The following HSF1 variants were observed in gnomAD, a reference collection of about 807,000 sequenced individuals.
HSF1 encodes heat shock transcription factor 1.
HSF1 carries 32 observed loss-of-function variants against 51.7 expected under a neutral mutation model. The ratio of observed to expected loss-of-function variants is 0.62; its 90% CI spans 0.47 to 0.83. The LOEUF (loss-of-function observed/expected upper bound fraction) is 0.83, where lower values mean the gene tolerates loss of function less well. Among genes scored for constraint, HSF1 ranks in the 40% least tolerant of loss-of-function variants. HSF1 has a pLI of 0.00. For missense variants in HSF1, 727 were observed against 717.0 expected (o/e 1.01, Z -0.16); for synonymous variants, 396 against 309.7 (o/e 1.28, Z -2.92).
intron 1 of HSF1, among the ~76,000 whole-genome samples, chr8:144,302,235 G>C (rs1273012031): frequency 1.3e-5 from 2 of 151,766 alleles, no homozygotes; most frequent in Non-Finnish European, 2.9e-5. Flanking sequence ...CAGGCCGGGC[G>C]CCGTGGCTCA....
intron 1 of HSF1, among the ~76,000 whole-genome samples, chr8:144,300,212 C>CTTTTTTTT (rs1176636210): frequency 4.6e-5 from 4 of 87,744 alleles, no homozygotes; most frequent in Admixed American, 1.6e-4. Flanking sequence ...GTTGTGTACT[C>CTTTTTTTT]TTTTTTTTTT....
At chr8:144,304,407 A>T (rs1816082342) in intron 1 of HSF1, among the ~76,000 whole-genome samples, 1 of 152,230 alleles carries the variant, frequency 6.6e-6, no homozygotes, top group Admixed American at 6.5e-5. Flanking sequence ...CCAGAAGTGG[A>T]AATCTCTCCA....
rs576815889 is a variant in HSF1 at position 144,313,403 on chromosome 8, G to A, written c.1143-108G>A. The A allele has an allele frequency of 2.9e-5, 21 of 725,390 alleles. No homozygotes were observed. The African/African-American group carries it at 3.4e-4, about 12-fold the overall frequency. 44.9% of individuals were successfully genotyped at this position (725,390 alleles called of 1,614,324 possible). A position where few individuals can be genotyped will look rare whatever the true frequency, so the allele number is the denominator to read the frequency against. ...CCCTCCAGCCTGTGCAGGCGTACACGGGGGTGCAGCCTGGGGGGTACAGTC... is the reference window on the plus strand; with the variant it reads ...CCCTCCAGCCTGTGCAGGCGTACACAGGGGTGCAGCCTGGGGGGTACAGTC... On this transcript the variant is annotated intron_variant, in intron 9 of 12. Coordinates refer to ENST00000528838, the MANE Select transcript of HSF1 (RefSeq NM_005526.4).
chr8:144,309,150 TG>T, intron 2 of HSF1, 136 bp downstream of exon 2: 2 of 754,266 alleles, frequency 2.7e-6, no homozygotes, highest in Non-Finnish European at 2.2e-6. Context: ...CCTGCAAGCC[TG>T]GGGGCCGGGG....
At chr8:144,311,669 C>G in intron 7 of HSF1, 31 bp from the exon 8 acceptor site, 1 of 1,610,604 alleles carries the variant, frequency 6.2e-7, no homozygotes, top group South Asian at 1.1e-5. Context: ...CCCCTGCCGG[C>G]ACTGCATGGA....
Position 144,314,120 on chromosome 8 carries a change from C to CG in HSF1, c.1385-4dup. ...CCCACCGCCTTGACACCCCCACCCC[C>CG]GCAGGGAAGCAGCTGGTGCACTACA... is the stretch of plus-strand genomic sequence containing the variant. On this transcript the variant is annotated splice_polypyrimidine_tract_variant and splice_region_variant and intron_variant, in intron 12 of 12. Coordinates refer to ENST00000528838, the MANE Select transcript of HSF1 (RefSeq NM_005526.4). 1 of 1,544,526 alleles carries CG rather than the reference C, an allele frequency of 6.5e-7. No individual in the cohort carries two copies. Among genetic ancestry groups the CG allele is most frequent in the Non-Finnish European group, 8.7e-7 (1 of 1,144,218 alleles).
chr8:144,305,802 G>A (rs1431037438), intron 1 of HSF1, among the ~76,000 whole-genome samples: 2 of 133,310 alleles, frequency 1.5e-5, no homozygotes, highest in African/African-American at 2.9e-5. Context: ...GCGCGATCTC[G>A]GCTCACTGCA....
rs368025244 is a variant in HSF1, at chr8:144,312,197, G to A, written c.1095G>A (p.Pro365=). ...TDTEGRPPSP[P]PTSTPEKCLS... is the part of the protein sequence containing the mutation. ...CCGAGGGCCGGCCTCCCTCCCCCCC[G>A]CCCACCTCCACCCCTGAAAAGTGCC... Residue 365 remains proline, a synonymous_variant, in exon 9 of 13, where the codon CCG becomes CCA. Coordinates refer to ENST00000528838, the MANE Select transcript of HSF1 (RefSeq NM_005526.4). The A allele has an allele frequency of 1.7e-4, 93 of 547,888 alleles. No homozygotes were observed. The highest frequency in any genetic ancestry group is 3.9e-4 in the Middle Eastern group (1 of 2,562). The allele number at this position is 547,888 out of a possible 1,614,324, so 33.9% of individuals were successfully genotyped here.
At chr8:144,308,800 G>A (rs1048693394) in intron 1 of HSF1, 106 bp from the exon 2 acceptor site, 1 of 903,964 alleles carries the variant, frequency 1.1e-6, no homozygotes, top group Non-Finnish European at 1.8e-6. Context: ...CCATCAGGTG[G>A]AACGTGCACT....
intron 1 of HSF1, among the ~76,000 whole-genome samples, chr8:144,301,959 T>C (rs1815917183): frequency 6.7e-6 from 1 of 149,352 alleles, no homozygotes; most frequent in Non-Finnish European, 1.5e-5. Context: ...TGCTCCCAGA[T>C]GGGGCAACAT....
chr8:144,305,458 C>A (rs1554843130), intron 1 of HSF1, among the ~76,000 whole-genome samples: 1 of 151,888 alleles, frequency 6.6e-6, no homozygotes, highest in Non-Finnish European at 1.5e-5. Context: ...TGCCACCATG[C>A]CCAACTAATT....
intron 1 of HSF1, among the ~76,000 whole-genome samples, chr8:144,300,366 G>A (rs1187494364): frequency 2.0e-5 from 3 of 151,986 alleles, no homozygotes; most frequent in East Asian, 1.9e-4. Context: ...ACAGGCACCC[G>A]CCACCTCGCC....
intron 9 of HSF1, chr8:144,312,672 C>T: frequency 1.3e-6 from 2 of 1,535,514 alleles, no homozygotes; most frequent in Non-Finnish European, 1.7e-6. Context: ...CGCCTCTTCC[C>T]CTGCCCCTCT....
chr8:144,311,697 C>T lies in HSF1; in HGVS notation c.724-3C>T. 1 of 1,608,388 alleles carries T rather than the reference C, an allele frequency of 6.2e-7. No homozygotes were observed. The highest frequency in any genetic ancestry group is 8.5e-7 in the Non-Finnish European group (1 of 1,177,254). On this transcript the variant is annotated splice_polypyrimidine_tract_variant and splice_region_variant and intron_variant, in intron 7 of 12. Transcript: ENST00000528838. ...TGCATGGACCTCCTGCCTTTGATTGCAGGCCCCCTCCCCAGCCTACAGCAG... is the reference window on the plus strand; with the variant it reads ...TGCATGGACCTCCTGCCTTTGATTGTAGGCCCCCTCCCCAGCCTACAGCAG...
chr8:144,311,625 C>T (rs376012465), intron 7 of HSF1, 24 bp downstream of exon 7: 24 of 1,612,688 alleles, frequency 1.5e-5, no homozygotes, highest in Admixed American at 1.0e-4. Context: ...ACAGGGCACC[C>T]GCCCAGGCAT....
In HSF1 at chr8:144,314,692, A is replaced by G. The variant is rs1484244274; in HGVS notation, c.*362A>G. ...CAGTGGATGGACGGACAAGACAGGC[A>G]GAGATCTATAAACAGACAGGCTCTA... is the stretch of plus-strand genomic sequence containing the variant. On this transcript the variant is annotated 3_prime_UTR_variant, in exon 13 of 13. Coordinates refer to ENST00000528838, the MANE Select transcript of HSF1 (RefSeq NM_005526.4). 5 of 278,078 alleles carry G rather than the reference A, an allele frequency of 1.8e-5. No individual in the cohort carries two copies. The highest frequency in any genetic ancestry group is 2.3e-3 in the Middle Eastern group (2 of 858). 17.2% of individuals were successfully genotyped at this position (278,078 alleles called of 1,614,324 possible).
chr8:144,296,238 G>A (rs1217303547), intron 1 of HSF1, among the ~76,000 whole-genome samples: 1 of 152,212 alleles, frequency 6.6e-6, no homozygotes, highest in Non-Finnish European at 1.5e-5. Flanking sequence ...AGGAGTTGCA[G>A]AAGCAGAGCC....
intron 1 of HSF1, among the ~76,000 whole-genome samples, chr8:144,305,786 G>A (rs1554843216): frequency 1.5e-5 from 2 of 132,588 alleles, no homozygotes; most frequent in South Asian, 2.5e-4. Flanking sequence ...AGGCTGGAGT[G>A]CAATGGCGCG....
chr8:144,313,662 C>A lies in HSF1; in HGVS notation c.1248+46C>A, dbSNP rs1396646991. Reference sequence around the variant, plus strand: ...CCGCCTCCCCGCCCCGCCTCCCCGCCGCGCCGCCCCGCCTCCCCGCCCCGC... The same window carrying A: ...CCGCCTCCCCGCCCCGCCTCCCCGCAGCGCCGCCCCGCCTCCCCGCCCCGC... On this transcript the variant is annotated intron_variant, in intron 10 of 12. Transcript: ENST00000528838. 2.3e-4 allele frequency: 20 copies of A among 86,618 alleles called. 1 individual carries two copies. The highest frequency in any genetic ancestry group is 1.2e-3 in the South Asian group (5 of 4,148). 5.4% of individuals were successfully genotyped at this position (86,618 alleles called of 1,614,324 possible).
Sources: gnomAD v4.1 joint callset for allele counts (sites outside exome capture counted in the v4.1 genomes callset) on GRCh38, gnomAD v4.1.1 for gene constraint, MANE v1.5 for transcripts, NCBI Gene and HGNC (gene_info 2026-07-23, HGNC 2026-07-21) for gene names.